The following SETBP1 variants were observed in gnomAD, a reference collection of about 807,000 sequenced individuals.
SETBP1 encodes SET-binding protein.
SETBP1 carries 9 observed loss-of-function variants against 101.0 expected under a neutral mutation model. That is an observed-to-expected ratio of 0.09 (90% CI 0.05 to 0.16). The LOEUF (loss-of-function observed/expected upper bound fraction) is 0.16, where lower values mean the gene tolerates loss of function less well. Among genes scored for constraint, SETBP1 ranks in the 10% least tolerant of loss-of-function variants. The probability of loss-of-function intolerance (pLI) is 1.00; values close to 1 mark genes in which losing one functional copy is unlikely to be tolerated. For missense variants in SETBP1, 1,858 were observed against 2,033.8 expected (o/e 0.91, Z 1.66); for synonymous variants, 818 against 788.5 (o/e 1.04, Z -0.63).
intron 3 of SETBP1, chr18:44,876,861 C>G: frequency 7.1e-7 from 1 of 1,414,604 alleles, no homozygotes; most frequent in Admixed American, 3.0e-5. Context: ...AGCATTTGGG[C>G]TTATGATCTT....
chr18:45,057,932 G>A (rs973351957), intron 5 of SETBP1, among the ~76,000 whole-genome samples: 1 of 152,172 alleles, frequency 6.6e-6, no homozygotes, highest in Non-Finnish European at 1.5e-5. Context: ...GCAGTGCTAA[G>A]TCCATTCTCT....
intron 2 of SETBP1, among the ~76,000 whole-genome samples, chr18:44,707,640 T>C (rs1005767887): frequency 1.4e-4 from 22 of 152,208 alleles, no homozygotes; most frequent in African/African-American, 5.3e-4. Context: ...GCCAAATAAA[T>C]CATGCACTTA....
chr18:44,897,904 G>GT (rs2069945069), intron 3 of SETBP1, among the ~76,000 whole-genome samples: 1 of 152,184 alleles, frequency 6.6e-6, no homozygotes, highest in African/African-American at 2.4e-5. Flanking sequence ...TGTTGAGTTG[G>GT]TAAACCTTGG....
intron 2 of SETBP1, among the ~76,000 whole-genome samples, chr18:44,797,755 A>G (rs1362194997): frequency 3.3e-5 from 5 of 152,206 alleles, no homozygotes; most frequent in South Asian, 2.1e-4. Flanking sequence ...GAGAGAGCTC[A>G]TTCCCACAGC....
intron 3 of SETBP1, among the ~76,000 whole-genome samples, chr18:44,917,674 T>C (rs1356204734): frequency 6.6e-6 from 1 of 152,102 alleles, no homozygotes; most frequent in Non-Finnish European, 1.5e-5. Context: ...GATTTCTGAG[T>C]CCTCAGCATT....
intron 4 of SETBP1, among the ~76,000 whole-genome samples, chr18:45,009,267 C>T (rs2072789571): frequency 6.6e-6 from 1 of 151,508 alleles, no homozygotes; most frequent in Non-Finnish European, 1.5e-5. Flanking sequence ...CTGCCAGGTT[C>T]CCTGTGGCAA....
intron 4 of SETBP1, among the ~76,000 whole-genome samples, chr18:45,036,174 A>T (rs1448916201): frequency 1.3e-5 from 2 of 152,110 alleles, no homozygotes; most frequent in Admixed American, 1.3e-4. Context: ...TGTACTAAAA[A>T]TACAAACAAT....
intron 3 of SETBP1, among the ~76,000 whole-genome samples, chr18:44,934,151 T>G (rs1568224945): frequency 6.6e-6 from 1 of 151,674 alleles, no homozygotes; most frequent in Admixed American, 6.6e-5. Context: ...TTCCCTTTTT[T>G]TTTTTTTTCT....
At chr18:44,841,860 C>A (rs1301322730) in intron 2 of SETBP1, among the ~76,000 whole-genome samples, 2 of 152,156 alleles carry the variant, frequency 1.3e-5, no homozygotes, top group East Asian at 3.8e-4. Context: ...TATATGAGCT[C>A]CCTGTGTGAT....
At chr18:45,016,738 C>T (rs1423123071) in intron 4 of SETBP1, among the ~76,000 whole-genome samples, 1 of 134,094 alleles carries the variant, frequency 7.5e-6, no homozygotes, top group Non-Finnish European at 1.6e-5. Context: ...CGCGCACACA[C>T]ACACACACAC....
chr18:44,750,357 C>T (rs2070354732), intron 2 of SETBP1, among the ~76,000 whole-genome samples: 7 of 152,074 alleles, frequency 4.6e-5, no homozygotes, highest in Admixed American at 4.6e-4. Context: ...TCTGCTGTTT[C>T]TTCATTTTCT....
intron 1 of SETBP1, among the ~76,000 whole-genome samples, chr18:44,684,936 C>T (rs944455365): frequency 3.3e-5 from 5 of 152,138 alleles, no homozygotes; most frequent in African/African-American, 9.7e-5. Flanking sequence ...TGTGGGCCAC[C>T]GCGCCCGACC....
At chr18:44,777,855 C>G (rs1175225605) in intron 2 of SETBP1, among the ~76,000 whole-genome samples, 1 of 152,246 alleles carries the variant, frequency 6.6e-6, no homozygotes, top group African/African-American at 2.4e-5. Context: ...TTCTCAAGCA[C>G]TTTATTTGTC....
chr18:44,777,924 G>A (rs573155625), intron 2 of SETBP1, among the ~76,000 whole-genome samples: 14 of 152,278 alleles, frequency 9.2e-5, no homozygotes, highest in Admixed American at 7.2e-4. Flanking sequence ...ACGGGGAGCC[G>A]CCTTCCCATT....
intron 3 of SETBP1, among the ~76,000 whole-genome samples, chr18:44,943,639 A>G (rs1345607012): frequency 1.3e-5 from 2 of 152,198 alleles, no homozygotes; most frequent in South Asian, 2.1e-4. Context: ...ATGCTAACAT[A>G]CAGCCAGAGT....
At chr18:44,888,505 C>T (rs1296800106) in intron 3 of SETBP1, among the ~76,000 whole-genome samples, 1 of 152,106 alleles carries the variant, frequency 6.6e-6, no homozygotes, top group African/African-American at 2.4e-5. Flanking sequence ...AAAGGATGCA[C>T]TTCCCATTTG....
intron 3 of SETBP1, among the ~76,000 whole-genome samples, chr18:44,941,212 G>A (rs1272487789): frequency 1.3e-5 from 2 of 150,500 alleles, no homozygotes; most frequent in African/African-American, 2.4e-5. Context: ...CTCCAAAGTA[G>A]CTGGGATTAC....
intron 2 of SETBP1, among the ~76,000 whole-genome samples, chr18:44,857,741 A>G (rs1182054980): frequency 6.6e-6 from 1 of 152,174 alleles, no homozygotes; most frequent in Non-Finnish European, 1.5e-5. Flanking sequence ...AGGTTTGGCC[A>G]AAAATGGGTA....
intron 2 of SETBP1, among the ~76,000 whole-genome samples, chr18:44,746,732 T>A (rs867571196): frequency 2.6e-5 from 4 of 152,210 alleles, no homozygotes; most frequent in South Asian, 2.1e-4. Context: ...TCCTCACATA[T>A]TAAGGGAGTG....
Sources: gnomAD v4.1 joint callset for allele counts (sites outside exome capture counted in the v4.1 genomes callset) on GRCh38, gnomAD v4.1.1 for gene constraint, MANE v1.5 for transcripts, NCBI Gene and HGNC (gene_info 2026-07-23, HGNC 2026-07-21) for gene names.